The following CNTLN variants were observed in gnomAD, a reference collection of about 807,000 sequenced individuals.
CNTLN encodes the protein centlein, also known as centlein, centrosomal protein.
In CNTLN, 212 loss-of-function variants were observed where a neutral mutation model predicts 180.0. The ratio of observed to expected loss-of-function variants is 1.18; its 90% CI spans 1.05 to 1.32. The LOEUF is 1.32. Among genes scored for constraint, CNTLN ranks in the 40% most tolerant of loss-of-function variants. CNTLN has a pLI of 0.00. For synonymous variants in CNTLN, 722 were observed against 563.1 expected (o/e 1.28, Z -3.99); for missense variants, 2,095 against 1,610.9 (o/e 1.30, Z -5.14).
At position 17,447,152 on chromosome 9, in the gene CNTLN, A is replaced by C. The variant is rs1421188397; in HGVS notation, c.3115-10372A>C. 1.8e-5 allele frequency: 4 copies of C among 218,160 alleles called. No homozygotes were observed. The East Asian group carries it at 4.4e-4, about 24-fold the overall frequency. The allele number at this position is 218,160 out of a possible 1,614,324, so 13.5% of individuals were successfully genotyped here. On this transcript the variant is annotated intron_variant, in intron 18 of 25. Coordinates refer to ENST00000380647, the MANE Select transcript of CNTLN (RefSeq NM_017738.4). ...CTCCCGCTGCGGTGTCAGCTACAGG[A>C]ACCTTATCCCAGCTCAAAACTAGAT...
At chr9:17,205,814 G>A (rs1165726690) in intron 2 of CNTLN, among the ~76,000 whole-genome samples, 1 of 152,178 alleles carries the variant, frequency 6.6e-6, no homozygotes, top group Non-Finnish European at 1.5e-5. Context: ...TTTCCATGTT[G>A]ATGCTGATGG....
At chr9:17,511,622 A>C in the CNTLN span, among the ~76,000 whole-genome samples, 1 of 146,590 alleles carries the variant, frequency 6.8e-6, no homozygotes, top group East Asian at 2.1e-4. Flanking sequence ...CAATATGGCA[A>C]CTTGCTTTAT....
At chr9:17,270,137 T>G (rs1318126114) in intron 5 of CNTLN, among the ~76,000 whole-genome samples, 1 of 152,114 alleles carries the variant, frequency 6.6e-6, no homozygotes, top group African/African-American at 2.4e-5. Flanking sequence ...CTGTTCTTTT[T>G]TCCCTTCTCT....
At chr9:17,153,790 C>G (rs1385373424) in intron 2 of CNTLN, among the ~76,000 whole-genome samples, 1 of 152,168 alleles carries the variant, frequency 6.6e-6, no homozygotes, top group Non-Finnish European at 1.5e-5. Context: ...TTCAGGTACA[C>G]CAATCAAATG....
In CNTLN at chr9:17,464,617, T is replaced by C; in HGVS notation, c.3525T>C (p.Asp1175=). Residue 1175 remains aspartate, a synonymous_variant, in exon 21 of 26, where the codon GAT becomes GAC. Coordinates refer to ENST00000380647, the MANE Select transcript of CNTLN (RefSeq NM_017738.4). ...KSFSEMLQNL[D]KKVKTLTEEC... ...TTAGTGAAATGTTACAAAATCTTGA[T>C]AAAAAGGTATCAATTTTTATCTTTA... The C allele has an allele frequency of 1.4e-6, 2 of 1,464,974 alleles. No homozygotes were observed. Among genetic ancestry groups the C allele is most frequent in the South Asian group, 2.7e-5 (2 of 75,346 alleles). The allele number at this position is 1,464,974 out of a possible 1,614,324, so 90.7% of individuals were successfully genotyped here. A position where few individuals can be genotyped will look rare whatever the true frequency, so the allele number is the denominator to read the frequency against.
rs1172839422 is a variant in CNTLN, at chr9:17,502,605, A to C, written c.4174A>C (p.Lys1392Gln). The C allele has an allele frequency of 7.1e-6, 10 of 1,413,404 alleles. No homozygotes were observed. Among genetic ancestry groups the C allele is most frequent in the Non-Finnish European group, 9.7e-6 (10 of 1,032,656 alleles). 87.6% of individuals were successfully genotyped at this position (1,413,404 alleles called of 1,614,324 possible). Reference sequence around the variant, plus strand: ...AGTACTGGAAAAAATAAATGAAAAAAAGAAACTAGTTGAAGGATATTTCAC... The same window carrying C: ...AGTACTGGAAAAAATAAATGAAAAACAGAAACTAGTTGAAGGATATTTCAC... ...EAVLEKINEK[K>Q]KLVEGYFTIM... Residue 1392 changes from lysine (K) to glutamine (Q), a missense_variant, in exon 26 of 26, where the codon AAG (lysine) becomes CAG (glutamine). Transcript: ENST00000380647.
At chr9:17,135,663 G>T (rs767581895) in intron 1 of CNTLN, among the ~76,000 whole-genome samples, 1 of 152,180 alleles carries the variant, frequency 6.6e-6, no homozygotes, top group Non-Finnish European at 1.5e-5. Flanking sequence ...CTCCGCGCCC[G>T]GGTTTGGTTT....
chr9:17,209,627 G>A (rs78069924), intron 2 of CNTLN, among the ~76,000 whole-genome samples: 7,465 of 152,220 alleles, frequency 0.049, 177 homozygotes, highest in East Asian at 0.069. Context: ...AATTATAATT[G>A]TTATAGCCTC....
At chr9:17,515,968 C>T in the CNTLN span, among the ~76,000 whole-genome samples, 3 of 152,076 alleles carry the variant, frequency 2.0e-5, no homozygotes, top group Admixed American at 6.6e-5. Context: ...TTCTCTATCA[C>T]ACTTCATCTT....
chr9:17,194,887 T>C (rs1177118298), intron 2 of CNTLN, among the ~76,000 whole-genome samples: 1 of 152,166 alleles, frequency 6.6e-6, no homozygotes, highest in African/African-American at 2.4e-5. Context: ...CAAAAAGCCC[T>C]TCTTATGTGG....
At chr9:17,362,205 T>G (rs2133395584) in intron 12 of CNTLN, among the ~76,000 whole-genome samples, 1 of 152,336 alleles carries the variant, frequency 6.6e-6, no homozygotes, top group East Asian at 1.9e-4. Context: ...GGGTTAGTGA[T>G]CTGAGAGCCA....
At chr9:17,367,625 G>A (rs187746861) in intron 13 of CNTLN, among the ~76,000 whole-genome samples, 21 of 152,192 alleles carry the variant, frequency 1.4e-4, no homozygotes, top group Non-Finnish European at 2.2e-4. Flanking sequence ...AGATCAAATA[G>A]GTCTTTGTCT....
the CNTLN span, among the ~76,000 whole-genome samples, chr9:17,517,441 G>GA: frequency 5.3e-5 from 8 of 151,092 alleles, no homozygotes; most frequent in Admixed American, 2.0e-4. Flanking sequence ...AAAAATAAAT[G>GA]AAAAAAAAGA....
In CNTLN at chr9:17,457,696, A is replaced by G. The variant is rs774295387; in HGVS notation, c.3287A>G (p.Gln1096Arg). The change falls in exon 19 of 26, where the codon CAA (glutamine) becomes CGA (arginine). Residue 1096 changes from glutamine (Q) to arginine (R), a missense_variant. By Grantham distance (43) the Gln-to-Arg change is conservative. Transcript: ENST00000380647. ...AGGAGCATGGATTTGGAAATGAAGC[A>G]ATTGCAGTATAAACTAAAGGTGATT... ...PSRSMDLEMK[Q>R]LQYKLKNATN... The G allele has an allele frequency of 3.3e-6, 5 of 1,494,374 alleles. No homozygotes were observed. Among genetic ancestry groups the G allele is most frequent in the Non-Finnish European group, 3.6e-6 (4 of 1,119,478 alleles). 92.6% of individuals were successfully genotyped at this position (1,494,374 alleles called of 1,614,324 possible). A position where few individuals can be genotyped will look rare whatever the true frequency, so the allele number is the denominator to read the frequency against.
At chr9:17,178,401 C>A (rs1268697628) in intron 2 of CNTLN, among the ~76,000 whole-genome samples, 1 of 152,226 alleles carries the variant, frequency 6.6e-6, no homozygotes, top group African/African-American at 2.4e-5. Context: ...TAGTCCCGTG[C>A]CCTGTGCCCG....
At position 17,309,001 on chromosome 9, in the gene CNTLN, C is replaced by T. The variant is rs138988934; in HGVS notation, c.1147-57C>T. ...ATATACACACACACACACACAGACA[C>T]ACAGACACATAGTTTTATTGATTAT... On this transcript the variant is annotated intron_variant, in intron 7 of 25. Coordinates refer to ENST00000380647, the MANE Select transcript of CNTLN (RefSeq NM_017738.4). 3,944 of 1,198,354 alleles carry T rather than the reference C, an allele frequency of 3.3e-3. 107 individuals carry two copies. In the African/African-American group the frequency reaches 0.056, roughly 17 times the overall value. 74.2% of individuals were successfully genotyped at this position (1,198,354 alleles called of 1,614,324 possible). A position where few individuals can be genotyped will look rare whatever the true frequency, so the allele number is the denominator to read the frequency against.
At chr9:17,519,616 TA>T in the CNTLN span, among the ~76,000 whole-genome samples, 2 of 152,216 alleles carry the variant, frequency 1.3e-5, no homozygotes, top group African/African-American at 4.8e-5. Context: ...AAGCTTTTTT[TA>T]CACTTTCTTT....
intron 2 of CNTLN, among the ~76,000 whole-genome samples, chr9:17,187,204 A>G (rs1821483299): frequency 6.6e-6 from 1 of 152,078 alleles, no homozygotes; most frequent in African/African-American, 2.4e-5. Context: ...ATTATTATAA[A>G]TTTCCTAATC....
At chr9:17,328,412 C>T (rs1820440416) in intron 8 of CNTLN, among the ~76,000 whole-genome samples, 1 of 152,198 alleles carries the variant, frequency 6.6e-6, no homozygotes, top group South Asian at 2.1e-4. Flanking sequence ...AATCTAGCAA[C>T]AGTGGGGCAC....
Sources: allele counts gnomAD v4.1 joint callset (sites outside exome capture counted in the v4.1 genomes callset), GRCh38; gene constraint gnomAD v4.1.1; transcripts MANE v1.5; gene names NCBI Gene and HGNC (gene_info 2026-07-23, HGNC 2026-07-21).